Variants in THSD7B observed in about 807,000 individuals in gnomAD.
The protein encoded by THSD7B is thrombospondin type-1 domain-containing protein 7B.
THSD7B carries 138 observed loss-of-function variants against 213.6 expected under a neutral mutation model. The observed-to-expected ratio is 0.65, with a 90% CI of 0.56 to 0.74. The LOEUF is 0.74. THSD7B is among the 30% of genes least tolerant of loss of function. THSD7B has a pLI of 0.00. For missense variants in THSD7B, 1,931 were observed against 1,991.5 expected, an observed-to-expected ratio of 0.97 and a Z score of 0.58; for synonymous variants, 742 against 687.0, an observed-to-expected ratio of 1.08 and a Z score of -1.25.
intron 15 of THSD7B, among the ~76,000 whole-genome samples, chr2:137,484,266 C>CGGT (rs1688376530): frequency 6.7e-6 from 1 of 149,704 alleles, no homozygotes; most frequent in African/African-American, 2.5e-5. Context: ...TGAGAATATG[C>CGGT]GGTGTTTGGT....
chr2:137,507,362 C>T (rs1679859549), intron 15 of THSD7B, among the ~76,000 whole-genome samples: 1 of 152,222 alleles, frequency 6.6e-6, no homozygotes. Flanking sequence ...AGAAATTCCA[C>T]TGTCTTTCTC....
chr2:137,227,337 T>C (rs1681531114), intron 7 of THSD7B, among the ~76,000 whole-genome samples: 2 of 152,208 alleles, frequency 1.3e-5, no homozygotes, highest in Admixed American at 1.3e-4. Flanking sequence ...TTTGCTCTTA[T>C]TGATCCCAGG....
chr2:137,455,557 T>TC (rs1294834223), intron 15 of THSD7B, among the ~76,000 whole-genome samples: 3 of 152,170 alleles, frequency 2.0e-5, no homozygotes, highest in Non-Finnish European at 2.9e-5. Flanking sequence ...CCAAAACCTA[T>TC]CACCATGATA....
chr2:137,354,960 A>T (rs917409586), intron 12 of THSD7B, among the ~76,000 whole-genome samples: 6 of 152,184 alleles, frequency 3.9e-5, no homozygotes, highest in African/African-American at 1.4e-4. Flanking sequence ...TGTTAAATAA[A>T]AAGAATAGCA....
intron 12 of THSD7B, among the ~76,000 whole-genome samples, chr2:137,370,791 T>C (rs1213625101): frequency 6.6e-6 from 1 of 151,994 alleles, no homozygotes; most frequent in Non-Finnish European, 1.5e-5. Context: ...GATTTAAAAC[T>C]CTTGTCTCAT....
At chr2:137,534,224 C>T (rs1188076600) in intron 15 of THSD7B, among the ~76,000 whole-genome samples, 1 of 151,486 alleles carries the variant, frequency 6.6e-6, no homozygotes, top group Non-Finnish European at 1.5e-5. Context: ...TGCCTTCTTA[C>T]CTATTTATGA....
intron 1 of THSD7B, among the ~76,000 whole-genome samples, chr2:136,871,446 G>A (rs1261423289): frequency 2.6e-5 from 4 of 152,032 alleles, no homozygotes; most frequent in African/African-American, 9.7e-5. Context: ...AAAATAAATA[G>A]CCTGAGAGAA....
intron 12 of THSD7B, among the ~76,000 whole-genome samples, chr2:137,364,372 A>G (rs1010797487): frequency 6.6e-6 from 1 of 152,214 alleles, no homozygotes; most frequent in Non-Finnish European, 1.5e-5. Context: ...CCTGTTCAAC[A>G]TAGTGTTGGA....
chr2:137,402,920 A>T (rs1195683646), intron 12 of THSD7B, among the ~76,000 whole-genome samples: 1 of 152,182 alleles, frequency 6.6e-6, no homozygotes, highest in Non-Finnish European at 1.5e-5. Context: ...TGGAAAAAAA[A>T]ATTAACTTGG....
chr2:137,412,970 C>T (rs555092646), intron 14 of THSD7B, among the ~76,000 whole-genome samples: 1 of 151,098 alleles, frequency 6.6e-6, no homozygotes, highest in Non-Finnish European at 1.5e-5. Context: ...TCTTAGTCAT[C>T]AAGGTTTTGT....
chr2:137,561,039 C>G (rs1219097571), intron 15 of THSD7B, among the ~76,000 whole-genome samples: 1 of 152,094 alleles, frequency 6.6e-6, no homozygotes, highest in African/African-American at 2.4e-5. Flanking sequence ...GGAAAATTTT[C>G]AAGTAATTCC....
At position 137,655,494 on chromosome 2, in the gene THSD7B, C is replaced by T. The variant is rs572774523; in HGVS notation, c.3946-7C>T. The T allele has an allele frequency of 5.6e-6, 9 of 1,606,532 alleles. No homozygotes were observed. The highest frequency in any genetic ancestry group is 7.7e-6 in the Non-Finnish European group (9 of 1,176,228). On this transcript the variant is annotated splice_polypyrimidine_tract_variant and splice_region_variant and intron_variant, in intron 21 of 27. Transcript: ENST00000409968. Reference sequence around the variant, plus strand: ...GGTAATTGTGAAAGTATCCTTTCCTCTCATAGGGTGGAGACTGTGGGGAAG... The same window carrying T: ...GGTAATTGTGAAAGTATCCTTTCCTTTCATAGGGTGGAGACTGTGGGGAAG...
chr2:137,196,823 T>C (rs1318244966), intron 7 of THSD7B, among the ~76,000 whole-genome samples: 1 of 152,188 alleles, frequency 6.6e-6, no homozygotes, highest in Non-Finnish European at 1.5e-5. Context: ...TATGCAAATA[T>C]TCAAAAATTT....
intron 12 of THSD7B, among the ~76,000 whole-genome samples, chr2:137,382,296 C>T (rs564104244): frequency 4.6e-5 from 7 of 152,332 alleles, no homozygotes; most frequent in African/African-American, 1.7e-4. Flanking sequence ...TGGCAACACT[C>T]CTCTTGCCTG....
intron 17 of THSD7B, among the ~76,000 whole-genome samples, chr2:137,598,273 G>C (rs1172659553): frequency 6.6e-6 from 1 of 152,162 alleles, no homozygotes; most frequent in African/African-American, 2.4e-5. Flanking sequence ...GAAATCCTCA[G>C]ATCCTTGAAA....
intron 14 of THSD7B, among the ~76,000 whole-genome samples, chr2:137,439,585 A>G (rs191985199): frequency 7.3e-4 from 111 of 152,222 alleles, no homozygotes; most frequent in African/African-American, 2.5e-3. Flanking sequence ...ATTATTGGTA[A>G]TGGAACAAAT....
intron 12 of THSD7B, among the ~76,000 whole-genome samples, chr2:137,283,823 G>C (rs1418591014): frequency 6.6e-6 from 1 of 152,072 alleles, no homozygotes; most frequent in Non-Finnish European, 1.5e-5. Context: ...GAGGGTTTTT[G>C]CATCAATGTT....
intron 12 of THSD7B, among the ~76,000 whole-genome samples, chr2:137,404,559 A>G (rs1294963033): frequency 4.5e-5 from 4 of 89,804 alleles, no homozygotes; most frequent in Admixed American, 1.3e-4. Flanking sequence ...ATATATTTAT[A>G]TACACACACT....
intron 12 of THSD7B, among the ~76,000 whole-genome samples, chr2:137,377,527 T>C (rs1401662460): frequency 6.6e-6 from 1 of 152,200 alleles, no homozygotes; most frequent in Non-Finnish European, 1.5e-5. Context: ...GACATTGTTT[T>C]GTGACGTGAT....
Sources: allele counts gnomAD v4.1 joint callset (sites outside exome capture counted in the v4.1 genomes callset), GRCh38; gene constraint gnomAD v4.1.1; transcripts MANE v1.5; gene names NCBI Gene and HGNC (gene_info 2026-07-23, HGNC 2026-07-21).